CEACAM21: variants seen among roughly 807,000 people sequenced by gnomAD.
The protein encoded by CEACAM21 is cell adhesion molecule CEACAM21.
A neutral mutation model predicts 33.2 loss-of-function variants in CEACAM21; 38 were observed. That is an observed-to-expected ratio of 1.14 (90% confidence interval 0.88 to 1.50). The LOEUF is 1.50. Ranked by LOEUF, CEACAM21 falls within the 40% of genes most tolerant of loss-of-function variation. CEACAM21 has a pLI of 0.00. For missense variants in CEACAM21, 385 were observed against 364.6 expected (o/e 1.06, Z -0.46); for synonymous variants, 156 against 143.0 (o/e 1.09, Z -0.65).
upstream of CEACAM21, among the ~76,000 whole-genome samples, chr19:41,575,371 T>C (rs985137208): frequency 6.6e-6 from 1 of 152,186 alleles, no homozygotes. Context: ...AAAGAGATCT[T>C]TGGGAAACAA....
At chr19:41,568,490 C>T (rs1555788751) in intron 2 of CEACAM21, among the ~76,000 whole-genome samples, 8 of 152,162 alleles carry the variant, frequency 5.3e-5, no homozygotes. Flanking sequence ...GGTCTAGGTT[C>T]ATTCTTCTGC....
chr19:41,584,220 C>A, intron 3 of CEACAM21, 127 bp from the exon 4 acceptor site: 1 of 771,154 alleles, frequency 1.3e-6, no homozygotes, highest in Non-Finnish European at 2.2e-6. Flanking sequence ...ATGAGGACAG[C>A]ACAACAGACC....
At chr19:41,574,955 T>G (rs78552688), upstream of CEACAM21, among the ~76,000 whole-genome samples, 3,631 of 152,210 alleles carry the variant, frequency 0.024, 157 homozygotes, top group African/African-American at 0.083. Flanking sequence ...CATTAAGAGA[T>G]GAATGAATTA....
At chr19:41,576,506 A>T (rs189654771) in intron 1 of CEACAM21, among the ~76,000 whole-genome samples, 168 bp downstream of exon 1, 1 of 152,378 alleles carries the variant, frequency 6.6e-6, no homozygotes. Flanking sequence ...GGAATTGCCA[A>T]GGGGCAAAAC....
intron 2 of CEACAM21, among the ~76,000 whole-genome samples, chr19:41,567,002 T>C (rs1300257418): frequency 1.3e-5 from 2 of 152,216 alleles, no homozygotes; most frequent in Non-Finnish European, 2.9e-5. Flanking sequence ...TGATTTGTCC[T>C]ATTTAAATTT....
intron 3 of CEACAM21, among the ~76,000 whole-genome samples, chr19:41,582,748 G>A (rs952380440): frequency 5.9e-5 from 9 of 152,154 alleles, no homozygotes; most frequent in South Asian, 2.1e-4. Context: ...TCTCTAGGCC[G>A]CACACAGCAG....
At chr19:41,585,155 G>A (rs1168804758) in intron 4 of CEACAM21, among the ~76,000 whole-genome samples, 1 of 152,074 alleles carries the variant, frequency 6.6e-6, no homozygotes, top group Non-Finnish European at 1.5e-5. Context: ...AACCCCTGGT[G>A]GTCTGATTCC....
At chr19:41,568,270 A>G (rs1555788717) in intron 2 of CEACAM21, among the ~76,000 whole-genome samples, 1 of 151,506 alleles carries the variant, frequency 6.6e-6, no homozygotes, top group East Asian at 1.9e-4. Context: ...TTTGCTGTAT[A>G]AAAGCTTTTT....
intron 1 of CEACAM21, among the ~76,000 whole-genome samples, chr19:41,562,391 T>C (rs193035763): frequency 3.5e-4 from 53 of 150,908 alleles, no homozygotes; most frequent in Non-Finnish European, 6.6e-4. Flanking sequence ...GTCCAGAATA[T>C]GTAAATAACA....
intron 1 of CEACAM21, among the ~76,000 whole-genome samples, chr19:41,562,200 C>T (rs939358126): frequency 9.2e-5 from 14 of 151,618 alleles, no homozygotes; most frequent in Non-Finnish European, 2.1e-4. Flanking sequence ...GAGCCGAGAT[C>T]GGCCAGTGCA....
chr19:41,569,053 A>G (rs1333476620), intron 2 of CEACAM21, among the ~76,000 whole-genome samples: 4 of 152,216 alleles, frequency 2.6e-5, no homozygotes, highest in African/African-American at 9.7e-5. Flanking sequence ...TTCAGCTATC[A>G]TAAAAGATAG....
At chr19:41,562,971 G>T (rs1555787271) in intron 1 of CEACAM21, among the ~76,000 whole-genome samples, 1 of 152,070 alleles carries the variant, frequency 6.6e-6, no homozygotes, top group African/African-American at 2.4e-5. Flanking sequence ...CTCGTGATCC[G>T]CCTGCCTCCG....
At chr19:41,560,424 T>C (rs180856825) in intron 1 of CEACAM21, among the ~76,000 whole-genome samples, 122 of 152,242 alleles carry the variant, frequency 8.0e-4, no homozygotes, top group Admixed American at 2.2e-3. Context: ...GTCTCACTAT[T>C]TTGCCCAGAC....
upstream of CEACAM21, among the ~76,000 whole-genome samples, chr19:41,574,840 G>A (rs2122213170): frequency 6.6e-6 from 1 of 152,186 alleles, no homozygotes; most frequent in South Asian, 2.1e-4. Context: ...ACTCCTATAT[G>A]TACCCCCAAA....
chr19:41,576,223 C>T lies in CEACAM21; in HGVS notation c.-52C>T. 6.2e-7 allele frequency: 1 copy of T among 1,605,134 alleles called. No individual in the cohort carries two copies. Among genetic ancestry groups the T allele is most frequent in the Non-Finnish European group, 8.5e-7 (1 of 1,172,044 alleles). On this transcript the variant is annotated 5_prime_UTR_variant, in exon 1 of 7. Transcript: ENST00000401445. Reference sequence around the variant, plus strand: ...CACAGTAACCCTGTCTAGAGCGTTCCTGGAGCCCAAGCTCCTCTCCACAGA... The same window carrying T: ...CACAGTAACCCTGTCTAGAGCGTTCTTGGAGCCCAAGCTCCTCTCCACAGA...
chr19:41,584,364 G>A lies in CEACAM21; in HGVS notation c.718G>A (p.Gly240Ser), dbSNP rs1555794422. The A allele has an allele frequency of 3.7e-6, 6 of 1,611,546 alleles. No individual in the cohort carries two copies. The highest frequency in any genetic ancestry group is 5.1e-6 in the Non-Finnish European group (6 of 1,178,758). Residue 240 changes from glycine to serine, a missense_variant, in exon 4 of 7, where the codon GGC (glycine) becomes AGC (serine). By Grantham distance (56) the Gly-to-Ser change is moderately conservative (BLOSUM62 0). Coordinates refer to ENST00000401445, the MANE Select transcript of CEACAM21 (RefSeq NM_001098506.4). ...LTVKSDDNTL[G>S]ILIGVLVGSL... The stretch of plus-strand genomic sequence containing the variant: ...TCTTTCAGCAGATGACAACACTCTA[G>A]GCATCCTGATCGGGGTCCTGGTTGG...
chr19:41,579,017 A>G (rs750338565), intron 2 of CEACAM21, among the ~76,000 whole-genome samples: 1 of 152,152 alleles, frequency 6.6e-6, no homozygotes, highest in Non-Finnish European at 1.5e-5. Context: ...CTTGTCCCTT[A>G]GGGGCTGAGA....
intron 1 of CEACAM21, among the ~76,000 whole-genome samples, chr19:41,558,124 A>G (rs541217988): frequency 2.0e-5 from 3 of 152,284 alleles, no homozygotes; most frequent in Admixed American, 1.3e-4. Flanking sequence ...TTACTCTCCT[A>G]CCTTTACAAC....
chr19:41,566,563 AT>A (rs1245538512), intron 2 of CEACAM21, among the ~76,000 whole-genome samples: 2 of 152,154 alleles, frequency 1.3e-5, no homozygotes, highest in Non-Finnish European at 2.9e-5. Flanking sequence ...TTAATTCTGA[AT>A]TTGGTTCACT....
Sources: allele counts gnomAD v4.1 joint callset (sites outside exome capture counted in the v4.1 genomes callset), GRCh38; gene constraint gnomAD v4.1.1; transcripts MANE v1.5; gene names NCBI Gene and HGNC (gene_info 2026-07-23, HGNC 2026-07-21).